Variants in UVRAG observed in about 807,000 individuals in gnomAD.
UVRAG encodes UV radiation resistance-associated gene protein.
Under a neutral mutation model 78.0 loss-of-function variants are expected in UVRAG, and 19 were observed. The ratio of observed to expected loss-of-function variants is 0.24; its 90% CI spans 0.17 to 0.36. The LOEUF is 0.36. Among genes scored for constraint, UVRAG ranks in the 10% least tolerant of loss-of-function variants. The probability of loss-of-function intolerance (pLI) is 1.00; values close to 1 mark genes in which losing one functional copy is unlikely to be tolerated. For synonymous variants in UVRAG, 323 were observed against 324.6 expected (o/e 1.00, Z 0.05); for missense variants, 740 against 853.8 (o/e 0.87, Z 1.66).
chr11:75,818,481 ATTT>A (rs113579187), intron 1 of UVRAG, among the ~76,000 whole-genome samples: 1 of 143,106 alleles, frequency 7.0e-6, no homozygotes, highest in Non-Finnish European at 1.5e-5. Context: ...CAAGGTATCA[ATTT>A]TTTTTTTTTT....
intron 1 of UVRAG, among the ~76,000 whole-genome samples, chr11:75,835,963 TG>T (rs1288921078): frequency 6.6e-6 from 1 of 151,910 alleles, no homozygotes; most frequent in African/African-American, 2.4e-5. Context: ...TAACTGGGCG[TG>T]GTGGTGTGCG....
At chr11:75,820,357 CT>C (rs113444522) in intron 1 of UVRAG, among the ~76,000 whole-genome samples, 27,362 of 143,342 alleles carry the variant, frequency 0.19, 3,719 homozygotes, top group African/African-American at 0.41. Flanking sequence ...TTCACTTATT[CT>C]TTTTTTTTTT....
chr11:75,957,671 A>G (rs567851452), intron 6 of UVRAG, among the ~76,000 whole-genome samples: 6 of 152,302 alleles, frequency 3.9e-5, no homozygotes, highest in Admixed American at 1.3e-4. Context: ...GTCCATGTAC[A>G]TGTATTTTTT....
intron 3 of UVRAG, among the ~76,000 whole-genome samples, chr11:75,871,564 A>G (rs979397272): frequency 2.0e-5 from 3 of 152,112 alleles, no homozygotes; most frequent in African/African-American, 7.2e-5. Flanking sequence ...GATTACAGGC[A>G]CGAGCCACCG....
intron 12 of UVRAG, among the ~76,000 whole-genome samples, chr11:76,045,570 T>A (rs573596328): frequency 1.7e-4 from 26 of 152,040 alleles, no homozygotes; most frequent in Non-Finnish European, 2.9e-4. Context: ...CAAGGGAAAG[T>A]ACTATGTCCA....
chr11:75,893,823 A>G (rs1242277354), intron 5 of UVRAG, among the ~76,000 whole-genome samples: 3 of 151,174 alleles, frequency 2.0e-5, no homozygotes, highest in Non-Finnish European at 2.9e-5. Flanking sequence ...AGCCTATGTG[A>G]CAGAAAAAAA....
At position 75,865,930 on chromosome 11, in the gene UVRAG, T is replaced by G. The variant is rs1946526920; in HGVS notation, c.270+4150T>G. The stretch of plus-strand genomic sequence containing the variant: ...ACGCCTGGCCAGGGCTTATAATCAT[T>G]AACAGGAAGAAATTTCACCTTTTTG... On this transcript the variant is annotated intron_variant, in intron 3 of 14. Coordinates refer to ENST00000356136, the MANE Select transcript of UVRAG (RefSeq NM_003369.4). 3.9e-5 allele frequency among the ~76,000 whole-genome samples: 6 copies of G among 152,066 alleles called. No homozygotes were observed. The South Asian group carries it at 1.2e-3, about 32-fold the overall frequency.
chr11:75,956,631 CAATTTA>C (rs900757037), intron 6 of UVRAG, among the ~76,000 whole-genome samples: 1 of 151,986 alleles, frequency 6.6e-6, no homozygotes, highest in South Asian at 2.1e-4. Context: ...TGGGTTCTTG[CAATTTA>C]AATTTAAATT....
chr11:75,874,570 T>A (rs1480758408), intron 3 of UVRAG, among the ~76,000 whole-genome samples: 3 of 152,194 alleles, frequency 2.0e-5, no homozygotes, highest in Non-Finnish European at 4.4e-5. Context: ...TCTTATTTAC[T>A]TCATGTGGAT....
rs1950523054 is a variant in UVRAG at position 76,035,853 on chromosome 11, A to T, written c.1226+18873A>T. Reference sequence around the variant, plus strand: ...TTATCTAGTTTCAGAGATAACAAAAATCGCCTTGTTTCATGCCTTTTATTT... The same window carrying T: ...TTATCTAGTTTCAGAGATAACAAAATTCGCCTTGTTTCATGCCTTTTATTT... On this transcript the variant is annotated intron_variant, in intron 12 of 14. Transcript: ENST00000356136. Among the ~76,000 whole-genome samples the T allele has an allele frequency of 2.6e-5, 4 of 152,344 alleles. No individual in the cohort carries two copies. The South Asian group carries it at 8.3e-4, about 32-fold the overall frequency.
At chr11:75,918,210 CAAAAAA>C (rs67178910) in intron 6 of UVRAG, among the ~76,000 whole-genome samples, 6 of 55,564 alleles carry the variant, frequency 1.1e-4, no homozygotes, top group Non-Finnish European at 2.6e-4. Flanking sequence ...ACTAAAAATA[CAAAAAA>C]AAAAAAAAAA....
At chr11:75,966,760 C>T (rs1591072122) in intron 7 of UVRAG, among the ~76,000 whole-genome samples, 2 of 152,132 alleles carry the variant, frequency 1.3e-5, no homozygotes, top group East Asian at 3.8e-4. Flanking sequence ...TTTATTTTAG[C>T]AGGTAGTTAA....
At chr11:76,014,432 C>T (rs1950110623) in intron 11 of UVRAG, among the ~76,000 whole-genome samples, 1 of 152,216 alleles carries the variant, frequency 6.6e-6, no homozygotes, top group Non-Finnish European at 1.5e-5. Flanking sequence ...TGCAACTTAG[C>T]ATAGTATTAT....
At chr11:75,975,627 A>G (rs1371610439) in intron 7 of UVRAG, among the ~76,000 whole-genome samples, 2 of 152,160 alleles carry the variant, frequency 1.3e-5, no homozygotes, top group Non-Finnish European at 2.9e-5. Context: ...TCTTTGAAGC[A>G]GTTGTGAATG....
chr11:75,856,246 G>T (rs1057160422), intron 2 of UVRAG, among the ~76,000 whole-genome samples: 4 of 152,016 alleles, frequency 2.6e-5, no homozygotes, highest in South Asian at 2.1e-4. Context: ...CTCGTGATCC[G>T]CCTGCCTCGG....
intron 1 of UVRAG, among the ~76,000 whole-genome samples, chr11:75,841,715 A>G (rs1393816562): frequency 6.6e-6 from 1 of 152,172 alleles, no homozygotes; most frequent in Non-Finnish European, 1.5e-5. Context: ...ATTTTTTGCT[A>G]AATTGCCCTT....
intron 6 of UVRAG, among the ~76,000 whole-genome samples, chr11:75,943,200 G>A (rs1463253764): frequency 6.6e-6 from 1 of 151,970 alleles, no homozygotes; most frequent in Non-Finnish European, 1.5e-5. Context: ...CACTTTGGTA[G>A]CGTTTTTAGT....
At chr11:75,967,761 C>T (rs1949051862) in intron 7 of UVRAG, among the ~76,000 whole-genome samples, 1 of 152,232 alleles carries the variant, frequency 6.6e-6, no homozygotes, top group Admixed American at 6.5e-5. Context: ...TGGATTTTCA[C>T]ATCTGCTTCT....
chr11:76,112,259 C>T (rs761752385), intron 13 of UVRAG, among the ~76,000 whole-genome samples: 3 of 151,954 alleles, frequency 2.0e-5, no homozygotes, highest in South Asian at 4.2e-4. Flanking sequence ...TCAGTCACCA[C>T]GTGAAAAGCT....
Sources: allele counts gnomAD v4.1 joint callset (sites outside exome capture counted in the v4.1 genomes callset), GRCh38; gene constraint gnomAD v4.1.1; transcripts MANE v1.5; gene names NCBI Gene and HGNC (gene_info 2026-07-23, HGNC 2026-07-21).